The following DGKB variants were observed in gnomAD, a reference collection of about 807,000 sequenced individuals.
The protein encoded by DGKB is diacylglycerol kinase beta.
A neutral mutation model predicts 114.3 loss-of-function variants in DGKB; 67 were observed. The observed-to-expected ratio is 0.59, with a 90% CI of 0.48 to 0.72. DGKB has a LOEUF of 0.72. Ranked by LOEUF, DGKB falls within the 30% of genes least tolerant of loss-of-function variation. The pLI, the probability that DGKB is intolerant of heterozygous loss-of-function variation, is 0.00. For missense variants in DGKB, 907 were observed against 975.2 expected (o/e 0.93, Z 0.93); for synonymous variants, 398 against 323.1 (o/e 1.23, Z -2.49).
chr7:14,194,300 G>A (rs932470850), intron 23 of DGKB, among the ~76,000 whole-genome samples: 2 of 152,100 alleles, frequency 1.3e-5, no homozygotes, highest in Non-Finnish European at 2.9e-5. Context: ...ATCGACCTAA[G>A]TGTCCAACAG....
chr7:14,167,210 C>CAAAAAAAAAA (rs34278386), intron 25 of DGKB, among the ~76,000 whole-genome samples: 1 of 99,394 alleles, frequency 1.0e-5, no homozygotes, highest in Non-Finnish European at 1.9e-5. Context: ...GACTCCATCT[C>CAAAAAAAAAA]AAAAAAAAAA....
intron 23 of DGKB, among the ~76,000 whole-genome samples, chr7:14,186,122 G>T (rs757745902): frequency 6.6e-6 from 1 of 152,166 alleles, no homozygotes; most frequent in Non-Finnish European, 1.5e-5. Context: ...CCATACATCT[G>T]ACAAAGGACT....
At chr7:14,739,372 G>A (rs1186540163) in intron 4 of DGKB, among the ~76,000 whole-genome samples, 1 of 152,160 alleles carries the variant, frequency 6.6e-6, no homozygotes, top group Non-Finnish European at 1.5e-5. Context: ...AAAATGGGGT[G>A]GAGCTACCAG....
At position 14,456,538 on chromosome 7, in the gene DGKB, G is replaced by A. The variant is rs1370421039; in HGVS notation, c.1835+21623C>T. On this transcript the variant is annotated intron_variant, in intron 21 of 25. Transcript: ENST00000402815. ...AAATGAAGAAATTAAATCATGCTAT[G>A]AATAAGTGATGTTTTATTAGGTAGA... is the stretch of plus-strand genomic sequence containing the variant. Among the ~76,000 whole-genome samples, 9 of 151,974 alleles carry A rather than the reference G, an allele frequency of 5.9e-5. No homozygotes were observed. The South Asian group carries it at 8.3e-4, about 14-fold the overall frequency.
chr7:14,899,797 C>T (rs1211197563), intron 1 of DGKB, among the ~76,000 whole-genome samples: 2 of 151,998 alleles, frequency 1.3e-5, no homozygotes, highest in Non-Finnish European at 2.9e-5. Flanking sequence ...AAGCACTATC[C>T]ACCCACGGCA....
chr7:14,737,892 CAAAAA>C (rs72307217), intron 4 of DGKB, among the ~76,000 whole-genome samples: 1 of 104,592 alleles, frequency 9.6e-6, no homozygotes. Context: ...GACTCCGTCT[CAAAAA>C]AAAAAAAAAA....
rs1206737085 is a variant in DGKB at position 14,962,620 on chromosome 7, GTGTGTGTGTGTGTGTT to G, written c.-188+12060_-188+12075del. Among the ~76,000 whole-genome samples the G allele has an allele frequency of 1.4e-4, 20 of 141,934 alleles. 1 individual carries two copies. The highest frequency in any genetic ancestry group is 1.1e-3 in the Admixed American group (15 of 14,132). 93.1% of individuals were successfully genotyped at this position (141,934 alleles called of 152,430 possible). The stretch of plus-strand genomic sequence containing the variant: ...GAGTGCTTTGTAAATAGCTATAGCT[GTGTGTGTGTGTGTGTT>G]TGTGTGTGTGTGTGTGTGTGTGTGT... On this transcript the variant is annotated intron_variant, in intron 1 of 4. Coordinates refer to the DGKB transcript ENST00000437998.
At chr7:14,815,704 C>T (rs1407619831) in intron 2 of DGKB, among the ~76,000 whole-genome samples, 1 of 152,158 alleles carries the variant, frequency 6.6e-6, no homozygotes, top group East Asian at 1.9e-4. Flanking sequence ...CTTCAAACCA[C>T]AGAACCACCC....
chr7:14,971,570 A>C (rs1587482710), intron 1 of DGKB, among the ~76,000 whole-genome samples: 1 of 152,298 alleles, frequency 6.6e-6, no homozygotes, highest in African/African-American at 2.4e-5. Flanking sequence ...TTGAATTTAA[A>C]GCAACATTTC....
chr7:14,179,245 C>G (rs1392808079), intron 23 of DGKB, among the ~76,000 whole-genome samples: 1 of 152,174 alleles, frequency 6.6e-6, no homozygotes, highest in African/African-American at 2.4e-5. Flanking sequence ...AGTCCTGTCC[C>G]AAGACTCAGT....
rs74996085 is a variant in DGKB, at chr7:14,788,987, G to A, written c.71-31256C>T. On this transcript the variant is annotated intron_variant, in intron 2 of 25. Coordinates refer to ENST00000402815, the MANE Select transcript of DGKB (RefSeq NM_001350709.2). ...GTGTCACAGGCACTCCAGGCGTGCC[G>A]AAGGAAAACAGTGGAGCAGAAACAC... Among the ~76,000 whole-genome samples, 220 of 152,194 alleles carry A rather than the reference G, an allele frequency of 1.4e-3. 6 individuals carry two copies. In the East Asian group the frequency reaches 0.038, roughly 27 times the overall value.
intron 2 of DGKB, among the ~76,000 whole-genome samples, chr7:14,808,398 C>A (rs943633189): frequency 6.6e-6 from 1 of 151,984 alleles, no homozygotes; most frequent in Non-Finnish European, 1.5e-5. Flanking sequence ...CCAAACTATT[C>A]AAAAATCACA....
chr7:14,934,773 A>G (rs1462712087), intron 1 of DGKB, among the ~76,000 whole-genome samples: 1 of 152,216 alleles, frequency 6.6e-6, no homozygotes, highest in Non-Finnish European at 1.5e-5. Flanking sequence ...TACAATAAAG[A>G]ATGTCTATTT....
intron 1 of DGKB, among the ~76,000 whole-genome samples, chr7:14,973,277 T>A (rs745382423): frequency 1.4e-4 from 22 of 151,924 alleles, no homozygotes; most frequent in Non-Finnish European, 2.9e-4. Flanking sequence ...TAAGGAATAT[T>A]CAAAACATTT....
intron 2 of DGKB, among the ~76,000 whole-genome samples, chr7:14,820,062 C>G (rs2128100301): frequency 6.6e-6 from 1 of 152,148 alleles, no homozygotes; most frequent in South Asian, 2.1e-4. Flanking sequence ...GTAGAAATTA[C>G]AATTTTTTTA....
At chr7:14,204,933 TTGTG>T (rs1554286226) in intron 23 of DGKB, among the ~76,000 whole-genome samples, 1 of 152,044 alleles carries the variant, frequency 6.6e-6, no homozygotes, top group Non-Finnish European at 1.5e-5. Context: ...TAAGCTTTCA[TTGTG>T]TGTGTATGTG....
intron 2 of DGKB, among the ~76,000 whole-genome samples, chr7:14,769,650 A>G (rs1236120291): frequency 2.6e-5 from 4 of 152,092 alleles, no homozygotes; most frequent in African/African-American, 7.2e-5. Context: ...AACTGCAGAA[A>G]TTTACTTTTT....
chr7:14,272,545 T>A (rs535223740), intron 23 of DGKB, among the ~76,000 whole-genome samples: 1 of 152,350 alleles, frequency 6.6e-6, no homozygotes, highest in Admixed American at 6.5e-5. Context: ...ATGCACATAA[T>A]GACTTCAAGA....
At position 14,801,143 on chromosome 7, in the gene DGKB, G is replaced by A. The variant is rs544156382; in HGVS notation, c.70+40051C>T. 3.9e-5 allele frequency among the ~76,000 whole-genome samples: 6 copies of A among 152,056 alleles called. No homozygotes were observed. The East Asian group carries it at 5.8e-4, about 15-fold the overall frequency. On this transcript the variant is annotated intron_variant, in intron 2 of 25. Transcript: ENST00000402815. ...ATTCCCTTATCATGTGGCATAAGAC[G>A]TATTAATTCTACATCATAGGACTTA...
Sources: allele counts gnomAD v4.1 joint callset (sites outside exome capture counted in the v4.1 genomes callset), GRCh38; gene constraint gnomAD v4.1.1; transcripts MANE v1.5; gene names NCBI Gene and HGNC (gene_info 2026-07-23, HGNC 2026-07-21).